KCNH7: variants seen among roughly 807,000 people sequenced by gnomAD.
KCNH7 encodes the protein voltage-gated inwardly rectifying potassium channel KCNH7.
In KCNH7, 49 loss-of-function variants were observed where a neutral mutation model predicts 120.8. The observed-to-expected ratio is 0.41, with a 90% CI of 0.32 to 0.51. The LOEUF is 0.51. KCNH7 is among the 20% of genes least tolerant of loss of function. The pLI, the probability that KCNH7 is intolerant of heterozygous loss-of-function variation, is 0.38. For synonymous variants in KCNH7, 547 were observed against 516.1 expected, an observed-to-expected ratio of 1.06 and a Z score of -0.81; for missense variants, 1,097 against 1,446.6, an observed-to-expected ratio of 0.76 and a Z score of 3.92.
intron 6 of KCNH7, among the ~76,000 whole-genome samples, chr2:162,461,156 G>A (rs997741621): frequency 6.6e-6 from 1 of 152,130 alleles, no homozygotes; most frequent in East Asian, 1.9e-4. Context: ...AGATAGCCAT[G>A]GATGGGCATC....
At position 162,441,009 on chromosome 2, in the gene KCNH7, C is replaced by T. The variant is rs185529216; in HGVS notation, c.1554+5009G>A. The stretch of plus-strand genomic sequence containing the variant: ...ATGTAGACAATCAATCACATACAAA[C>T]GAACAAATGATCAACTAAAAGCAAA... On this transcript the variant is annotated intron_variant, in intron 7 of 15. Coordinates refer to ENST00000332142, the MANE Select transcript of KCNH7 (RefSeq NM_033272.4). 1.4e-4 allele frequency among the ~76,000 whole-genome samples: 21 copies of T among 152,134 alleles called. No individual in the cohort carries two copies. The East Asian group carries it at 2.1e-3, about 15-fold the overall frequency.
At chr2:162,807,510 G>A (rs1367691419) in intron 2 of KCNH7, among the ~76,000 whole-genome samples, 2 of 152,004 alleles carry the variant, frequency 1.3e-5, no homozygotes, top group Non-Finnish European at 2.9e-5. Flanking sequence ...TCAATAGGAA[G>A]TAGAGATTCT....
At chr2:162,731,247 TG>T (rs1430979314) in intron 2 of KCNH7, among the ~76,000 whole-genome samples, 2 of 149,024 alleles carry the variant, frequency 1.3e-5, no homozygotes, top group African/African-American at 2.4e-5. Context: ...TGTGTGTGTG[TG>T]TATAATATTA....
intron 3 of KCNH7, among the ~76,000 whole-genome samples, chr2:162,533,793 A>G (rs1171067867): frequency 6.6e-6 from 1 of 151,664 alleles, no homozygotes; most frequent in Non-Finnish European, 1.5e-5. Flanking sequence ...AAGTAAGGAT[A>G]TAGAAGACAG....
At chr2:162,424,275 G>A (rs894946913) in intron 8 of KCNH7, among the ~76,000 whole-genome samples, 1 of 152,082 alleles carries the variant, frequency 6.6e-6, no homozygotes, top group East Asian at 1.9e-4. Flanking sequence ...GAGATCCCTT[G>A]CAACATAATC....
At position 162,495,051 on chromosome 2, in the gene KCNH7, C is replaced by T. The variant is rs767024400; in HGVS notation, c.1128+9392G>A. On this transcript the variant is annotated intron_variant, in intron 6 of 15. Coordinates refer to ENST00000332142, the MANE Select transcript of KCNH7 (RefSeq NM_033272.4). The stretch of plus-strand genomic sequence containing the variant: ...TTTTGAGCATATTTGTTTCTTTCTG[C>T]CTGGCTTCTCCAGAATTTGTAAACT... Among the ~76,000 whole-genome samples the T allele has an allele frequency of 2.6e-4, 39 of 152,266 alleles. 1 individual carries two copies. Among genetic ancestry groups the T allele is most frequent in the Non-Finnish European group, 4.4e-4 (30 of 68,016 alleles).
intron 2 of KCNH7, among the ~76,000 whole-genome samples, chr2:162,587,402 C>T (rs972072394): frequency 2.6e-5 from 4 of 152,082 alleles, no homozygotes; most frequent in Admixed American, 6.6e-5. Context: ...CAATAACTTC[C>T]TAGAGCTCTC....
chr2:162,385,640 C>G (rs1287879981), intron 12 of KCNH7, among the ~76,000 whole-genome samples: 1 of 151,848 alleles, frequency 6.6e-6, no homozygotes, highest in African/African-American at 2.4e-5. Flanking sequence ...GCAGGAAAAA[C>G]TCAAAGAGAC....
At position 162,825,850 on chromosome 2, in the gene KCNH7, C is replaced by T. The variant is rs114226641; in HGVS notation, c.307+10687G>A. ...AGTGCTGCCCTGGTCTTGTTAAAAA[C>T]ATGCATGAATGCTCACATGTGTGTA... On this transcript the variant is annotated intron_variant, in intron 2 of 15. Transcript: ENST00000332142. Among the ~76,000 whole-genome samples, 370 of 152,214 alleles carry T rather than the reference C, an allele frequency of 2.4e-3. 2 individuals carry two copies. The highest frequency in any genetic ancestry group is 8.5e-3 in the African/African-American group (353 of 41,566).
Position 162,473,278 on chromosome 2 carries a change from G to A in KCNH7, c.1129-26835C>T, listed in dbSNP as rs1207434123. ...ACTAGAATCATAAAACAAAAAAAGA[G>A]AAAAAAAATAAATGCCTGACTGAGG... is the stretch of plus-strand genomic sequence containing the variant. On this transcript the variant is annotated intron_variant, in intron 6 of 15. Transcript: ENST00000332142. Among the ~76,000 whole-genome samples the A allele has an allele frequency of 7.9e-5, 12 of 151,412 alleles. No homozygotes were observed. The South Asian group carries it at 2.1e-3, about 27-fold the overall frequency.
intron 2 of KCNH7, among the ~76,000 whole-genome samples, chr2:162,829,564 G>C (rs1308609479): frequency 6.6e-6 from 1 of 152,114 alleles, no homozygotes; most frequent in South Asian, 2.1e-4. Context: ...TAAGTCATTG[G>C]TGGGGTAGCA....
At chr2:162,830,509 T>C (rs1246448003) in intron 2 of KCNH7, among the ~76,000 whole-genome samples, 3 of 152,130 alleles carry the variant, frequency 2.0e-5, no homozygotes, top group Admixed American at 6.5e-5. Flanking sequence ...TAAAGAAAAG[T>C]GAGGCATGAA....
At chr2:162,445,278 T>C (rs1304024438) in intron 7 of KCNH7, among the ~76,000 whole-genome samples, 1 of 152,094 alleles carries the variant, frequency 6.6e-6, no homozygotes, top group Admixed American at 6.6e-5. Flanking sequence ...AAATCCAACA[T>C]ATCGAGGATT....
intron 2 of KCNH7, among the ~76,000 whole-genome samples, chr2:162,685,161 A>G (rs1685844708): frequency 6.6e-6 from 1 of 151,690 alleles, no homozygotes. Flanking sequence ...ACACATGGAC[A>G]CAGGGAAGGG....
intron 2 of KCNH7, among the ~76,000 whole-genome samples, chr2:162,806,261 A>G (rs1684536862): frequency 6.6e-6 from 1 of 152,152 alleles, no homozygotes; most frequent in East Asian, 1.9e-4. Flanking sequence ...AATAAAATAA[A>G]ATAAATTTTA....
rs2105405889 is a variant in KCNH7 at position 162,381,541 on chromosome 2, A to G, written c.2963-1520T>C. 2.0e-5 allele frequency among the ~76,000 whole-genome samples: 3 copies of G among 152,228 alleles called. No homozygotes were observed. In the South Asian group the frequency reaches 6.2e-4, roughly 32 times the overall value. On this transcript the variant is annotated intron_variant, in intron 13 of 15. Transcript: ENST00000332142. ...AAGAAATTTCTCAAATGAGGTGTCTATAATTTCTGCCTCAGTAGGGTGAGG... is the reference window on the plus strand; with the variant it reads ...AAGAAATTTCTCAAATGAGGTGTCTGTAATTTCTGCCTCAGTAGGGTGAGG...
chr2:162,778,634 T>C (rs754289475), intron 2 of KCNH7, among the ~76,000 whole-genome samples: 1 of 142,076 alleles, frequency 7.0e-6, no homozygotes, highest in African/African-American at 2.8e-5. Flanking sequence ...CTTCACTATA[T>C]GCAATAAATA....
chr2:162,648,775 C>A (rs926922976), intron 2 of KCNH7, among the ~76,000 whole-genome samples: 16 of 152,090 alleles, frequency 1.1e-4, no homozygotes, highest in East Asian at 1.9e-4. Context: ...ACCACCCCCC[C>A]AAAAAAATTT....
chr2:162,597,158 G>A (rs1694403885), intron 2 of KCNH7, among the ~76,000 whole-genome samples: 1 of 151,962 alleles, frequency 6.6e-6, no homozygotes, highest in Non-Finnish European at 1.5e-5. Flanking sequence ...GGAAATAATA[G>A]AATTACCACG....
Sources: gnomAD v4.1 joint callset for allele counts (sites outside exome capture counted in the v4.1 genomes callset) on GRCh38, gnomAD v4.1.1 for gene constraint, MANE v1.5 for transcripts, NCBI Gene and HGNC (gene_info 2026-07-23, HGNC 2026-07-21) for gene names.